Variants in APBA1 observed in about 807,000 individuals in gnomAD.
The protein encoded by APBA1 is amyloid beta precursor protein binding family A member 1, also known as amyloid-beta A4 precursor protein-binding family A member 1.
In APBA1, 55 loss-of-function variants were observed where a neutral mutation model predicts 86.6. The ratio of observed to expected loss-of-function variants is 0.64; its 90% CI spans 0.51 to 0.80. The LOEUF (loss-of-function observed/expected upper bound fraction) is 0.80. Among genes scored for constraint, APBA1 ranks in the 30% least tolerant of loss-of-function variants. The pLI, the probability that APBA1 is intolerant of heterozygous loss-of-function variation, is 0.00. For missense variants in APBA1, 1,090 were observed against 1,183.0 expected (o/e 0.92, Z 1.15); for synonymous variants, 511 against 493.9 (o/e 1.03, Z -0.46).
rs148954164 is a variant in APBA1, at chr9:69,493,358, G to A, written c.1201-17215C>T. The stretch of plus-strand genomic sequence containing the variant: ...CATATCACCTGCGTTTCTGCTCAGC[G>A]TCTTTGTTTATGCTCCTGTCTGAAC... On this transcript the variant is annotated intron_variant, in intron 2 of 12. Transcript: ENST00000265381. Among the ~76,000 whole-genome samples the A allele has an allele frequency of 3.1e-3, 464 of 151,938 alleles. 3 individuals carry two copies. Among genetic ancestry groups the A allele is most frequent in the African/African-American group, 0.01 (432 of 41,434 alleles).
At chr9:69,465,626 T>TC (rs1835265202) in intron 5 of APBA1, 1 of 152,130 alleles carries the variant, frequency 6.6e-6, no homozygotes, top group Non-Finnish European at 1.5e-5. Flanking sequence ...GATGGGCAGC[T>TC]CCCCAAGAAC....
At chr9:69,548,980 C>T (rs1045549187) in intron 1 of APBA1, among the ~76,000 whole-genome samples, 9 of 152,196 alleles carry the variant, frequency 5.9e-5, no homozygotes, top group Non-Finnish European at 1.2e-4. Context: ...GGAACCAGAC[C>T]TCTTAGAGTA....
chr9:69,652,868 G>A (rs141384975), intron 1 of APBA1, among the ~76,000 whole-genome samples: 42 of 152,074 alleles, frequency 2.8e-4, no homozygotes, highest in African/African-American at 8.4e-4. Context: ...GGTGGTATGC[G>A]CGCCTGTAGT....
chr9:69,597,625 C>T (rs1822255433), intron 1 of APBA1, among the ~76,000 whole-genome samples: 1 of 152,166 alleles, frequency 6.6e-6, no homozygotes, highest in Admixed American at 6.6e-5. Context: ...AGGTTTTCTT[C>T]TAGGGTTTTT....
rs1212486587 is a variant in APBA1 at position 69,658,222 on chromosome 9, C to CTCTT, written c.-70+13927_-70+13930dup. On this transcript the variant is annotated intron_variant, in intron 1 of 12. Coordinates refer to ENST00000265381, the MANE Select transcript of APBA1 (RefSeq NM_001163.4). ...ATGTTGTCCTACTCAAGTCCTTTCT[C>CTCTT]TCTTTCTTTCTTTCTTTCTTTCTTT... 3.0e-3 allele frequency among the ~76,000 whole-genome samples: 309 copies of CTCTT among 104,294 alleles called. 5 individuals carry two copies. Among genetic ancestry groups the CTCTT allele is most frequent in the African/African-American group, 7.7e-3 (245 of 31,930 alleles). The allele number at this position is 104,294 out of a possible 152,430, so 68.4% of individuals were successfully genotyped here.
chr9:69,453,145 C>T (rs760482108), intron 8 of APBA1, among the ~76,000 whole-genome samples: 19 of 152,264 alleles, frequency 1.2e-4, no homozygotes, highest in South Asian at 4.1e-4. Flanking sequence ...TTCCACTTAT[C>T]TTTCCTTTAT....
chr9:69,463,550 C>T (rs551485528), intron 5 of APBA1: 1 of 152,248 alleles, frequency 6.6e-6, no homozygotes, highest in South Asian at 2.1e-4. Flanking sequence ...ACACCACAAT[C>T]GACAAATGGA....
At chr9:69,631,360 C>G (rs1310367335) in intron 1 of APBA1, among the ~76,000 whole-genome samples, 1 of 152,170 alleles carries the variant, frequency 6.6e-6, no homozygotes, top group Admixed American at 6.5e-5. Context: ...AATGAGATAC[C>G]ATCTCACACC....
In APBA1 at chr9:69,582,374, G is replaced by A. The variant is rs550442740; in HGVS notation, c.-69-65095C>T. On this transcript the variant is annotated intron_variant, in intron 1 of 12. Coordinates refer to ENST00000265381, the MANE Select transcript of APBA1 (RefSeq NM_001163.4). Reference sequence around the variant, plus strand: ...TTCCTACCTGCTTCTACTGCGGGACGGGTCGCTTTCTCCACCCTGGACAAT... The same window carrying A: ...TTCCTACCTGCTTCTACTGCGGGACAGGTCGCTTTCTCCACCCTGGACAAT... Among the ~76,000 whole-genome samples, 9 of 152,230 alleles carry A rather than the reference G, an allele frequency of 5.9e-5. No homozygotes were observed. In the South Asian group the frequency reaches 1.5e-3, roughly 25 times the overall value.
At chr9:69,623,859 G>A (rs1262185224) in intron 1 of APBA1, among the ~76,000 whole-genome samples, 1 of 152,106 alleles carries the variant, frequency 6.6e-6, no homozygotes, top group African/African-American at 2.4e-5. Flanking sequence ...CCTTGAGTAG[G>A]TCATCTTAAC....
intron 1 of APBA1, among the ~76,000 whole-genome samples, chr9:69,661,932 T>C (rs1296182893): frequency 2.0e-5 from 3 of 151,870 alleles, no homozygotes; most frequent in African/African-American, 2.4e-5. Context: ...GCCACCAGAA[T>C]TGTGAGCCAA....
chr9:69,459,088 G>A (rs1423947198), intron 5 of APBA1, among the ~76,000 whole-genome samples: 3 of 152,184 alleles, frequency 2.0e-5, no homozygotes, highest in Admixed American at 6.5e-5. Flanking sequence ...ACAGGCGCGA[G>A]CCACCGCGCC....
At chr9:69,600,910 T>C (rs1245926561) in intron 1 of APBA1, among the ~76,000 whole-genome samples, 1 of 151,516 alleles carries the variant, frequency 6.6e-6, no homozygotes, top group Non-Finnish European at 1.5e-5. Context: ...GAGGCTTAAA[T>C]GAGATAATAT....
chr9:69,573,618 C>T (rs2133950179), intron 1 of APBA1, among the ~76,000 whole-genome samples: 1 of 152,278 alleles, frequency 6.6e-6, no homozygotes, highest in South Asian at 2.1e-4. Context: ...TTTGTATTTA[C>T]TGCTGCGGTA....
intron 11 of APBA1, among the ~76,000 whole-genome samples, chr9:69,436,958 C>T (rs1564028307): frequency 6.6e-6 from 1 of 152,030 alleles, no homozygotes; most frequent in Non-Finnish European, 1.5e-5. Flanking sequence ...CCATCAATAC[C>T]TAATTTATTG....
At chr9:69,610,438 T>A (rs1822563796) in intron 1 of APBA1, among the ~76,000 whole-genome samples, 2 of 152,192 alleles carry the variant, frequency 1.3e-5, no homozygotes, top group African/African-American at 4.8e-5. Context: ...GGTTTGAGTA[T>A]TCTAGGTTCC....
At chr9:69,513,320 C>T (rs1323666770) in intron 2 of APBA1, among the ~76,000 whole-genome samples, 1 of 152,212 alleles carries the variant, frequency 6.6e-6, no homozygotes, top group Non-Finnish European at 1.5e-5. Context: ...GTACTGTGGG[C>T]TCACTGTGAG....
intron 1 of APBA1, among the ~76,000 whole-genome samples, chr9:69,559,378 C>T (rs1452321798): frequency 6.6e-6 from 1 of 152,160 alleles, no homozygotes; most frequent in Admixed American, 6.5e-5. Flanking sequence ...TTCCATCACA[C>T]TCTCATGCCC....
At position 69,428,321 on chromosome 9, in the gene APBA1, C is replaced by G. The variant is rs1404281151; in HGVS notation, c.*3006G>C. ...ACCCGTGCACAGGGACCCGGCACCC[C>G]TGCCATGCACTCCTAGGAGCCTGCT... On this transcript the variant is annotated 3_prime_UTR_variant, in exon 13 of 13. Coordinates refer to ENST00000265381, the MANE Select transcript of APBA1 (RefSeq NM_001163.4). 1 of 152,280 alleles carries G rather than the reference C, an allele frequency of 6.6e-6. No individual in the cohort carries two copies. The highest frequency in any genetic ancestry group is 1.5e-5 in the Non-Finnish European group (1 of 68,098). The allele number at this position is 152,280 out of a possible 1,614,324, so 9.4% of individuals were successfully genotyped here.
Sources: gnomAD v4.1 joint callset for allele counts (sites outside exome capture counted in the v4.1 genomes callset) on GRCh38, gnomAD v4.1.1 for gene constraint, MANE v1.5 for transcripts, NCBI Gene and HGNC (gene_info 2026-07-23, HGNC 2026-07-21) for gene names.